VWA8: variants seen among roughly 807,000 people sequenced by gnomAD.
The protein encoded by VWA8 is von Willebrand factor A domain-containing protein 8.
In VWA8, 221 loss-of-function variants were observed where a neutral mutation model predicts 241.5. The ratio of observed to expected loss-of-function variants is 0.91; its 90% CI spans 0.82 to 1.02. VWA8 has a LOEUF of 1.02. Ranked by LOEUF, VWA8 falls within the 50% of genes least tolerant of loss-of-function variation. VWA8 has a pLI of 0.00. For synonymous variants in VWA8, 852 were observed against 827.1 expected (o/e 1.03, Z -0.52); for missense variants, 2,322 against 2,328.7 (o/e 1.00, Z 0.06).
chr13:41,666,494 G>A (rs890604719), intron 37 of VWA8, among the ~76,000 whole-genome samples: 4 of 152,112 alleles, frequency 2.6e-5, no homozygotes, highest in South Asian at 2.1e-4. Flanking sequence ...TAAGCAAGTG[G>A]CATGATAGAG....
At chr13:41,805,611 T>C (rs1286175054) in intron 17 of VWA8, among the ~76,000 whole-genome samples, 1 of 151,808 alleles carries the variant, frequency 6.6e-6, no homozygotes, top group Non-Finnish European at 1.5e-5. Context: ...GTTGGGAGTT[T>C]GAAACTAGTC....
intron 43 of VWA8, among the ~76,000 whole-genome samples, chr13:41,573,767 G>A (rs1425082057): frequency 6.6e-6 from 1 of 151,514 alleles, no homozygotes; most frequent in Non-Finnish European, 1.5e-5. Context: ...GCGGGTGCCC[G>A]CCACCATGCC....
At chr13:41,642,000 T>G (rs553896617) in intron 37 of VWA8, among the ~76,000 whole-genome samples, 2 of 152,376 alleles carry the variant, frequency 1.3e-5, no homozygotes, top group East Asian at 3.9e-4. Context: ...ACAATAGTTC[T>G]GGTTAATGCC....
At chr13:41,583,074 A>G (rs2044393913) in intron 42 of VWA8, among the ~76,000 whole-genome samples, 1 of 152,194 alleles carries the variant, frequency 6.6e-6, no homozygotes, top group Non-Finnish European at 1.5e-5. Context: ...CCTCATAGAT[A>G]CCAAGGGACA....
At chr13:41,739,827 GTTTTTTTT>G (rs779464048) in intron 21 of VWA8, among the ~76,000 whole-genome samples, 2 of 88,988 alleles carry the variant, frequency 2.2e-5, no homozygotes, top group East Asian at 3.5e-4. Flanking sequence ...TTGTTTTTTT[GTTTTTTTT>G]TTTGTTTTTT....
At chr13:41,688,255 C>T (rs1161788663) in intron 34 of VWA8, among the ~76,000 whole-genome samples, 1 of 151,922 alleles carries the variant, frequency 6.6e-6, no homozygotes, top group East Asian at 1.9e-4. Context: ...ACCCAGCATT[C>T]ATTAACTATA....
At position 41,832,836 on chromosome 13, in the gene VWA8, G is replaced by C. The variant is rs1566474838; in HGVS notation, c.1586+535C>G. On this transcript the variant is annotated intron_variant, in intron 13 of 44. Coordinates refer to ENST00000379310, the MANE Select transcript of VWA8 (RefSeq NM_015058.2). The stretch of plus-strand genomic sequence containing the variant: ...ACTAAACCAAAATAAGAAAACAATA[G>C]TTATAGAAATGTTCAAGTTTATAAT... Among the ~76,000 whole-genome samples the C allele has an allele frequency of 2.6e-5, 4 of 151,964 alleles. No individual in the cohort carries two copies. In the East Asian group the frequency reaches 5.8e-4, roughly 22 times the overall value.
At chr13:41,688,758 T>G (rs1195707708) in intron 34 of VWA8, among the ~76,000 whole-genome samples, 1 of 151,974 alleles carries the variant, frequency 6.6e-6, no homozygotes, top group Non-Finnish European at 1.5e-5. Context: ...TTCTCACAAG[T>G]GGGAGCGAAA....
At chr13:41,840,465 A>T (rs971777064) in intron 12 of VWA8, among the ~76,000 whole-genome samples, 9 of 144,960 alleles carry the variant, frequency 6.2e-5, no homozygotes, top group Non-Finnish European at 1.1e-4. Context: ...TTAAAGTATT[A>T]AAAAAAAAAA....
At chr13:41,575,418 A>T (rs1283768913) in intron 43 of VWA8, among the ~76,000 whole-genome samples, 1 of 152,174 alleles carries the variant, frequency 6.6e-6, no homozygotes, top group Non-Finnish European at 1.5e-5. Context: ...AAATAAAAAA[A>T]TTTTAAAAGG....
intron 17 of VWA8, among the ~76,000 whole-genome samples, chr13:41,804,249 C>T (rs1870085754): frequency 6.6e-6 from 1 of 152,044 alleles, no homozygotes; most frequent in Non-Finnish European, 1.5e-5. Flanking sequence ...ATCTGAGGTA[C>T]CTAAAAGCAG....
At chr13:41,628,577 C>T (rs2044707597) in intron 37 of VWA8, among the ~76,000 whole-genome samples, 1 of 152,172 alleles carries the variant, frequency 6.6e-6, no homozygotes, top group Non-Finnish European at 1.5e-5. Context: ...GGTACCTGTA[C>T]ACCCTGGAAT....
intron 26 of VWA8, among the ~76,000 whole-genome samples, chr13:41,718,835 T>C (rs1462595430): frequency 2.0e-5 from 3 of 151,862 alleles, no homozygotes; most frequent in Admixed American, 1.3e-4. Context: ...AATTGAACAG[T>C]AATTTAAAAG....
At chr13:41,797,265 C>T (rs934481262) in intron 17 of VWA8, among the ~76,000 whole-genome samples, 1 of 150,274 alleles carries the variant, frequency 6.7e-6, no homozygotes, top group African/African-American at 2.4e-5. Flanking sequence ...TGGTCTTGAA[C>T]TTCTGACCTC....
At chr13:41,754,121 T>A (rs1306059274) in intron 21 of VWA8, among the ~76,000 whole-genome samples, 1 of 152,056 alleles carries the variant, frequency 6.6e-6, no homozygotes, top group African/African-American at 2.4e-5. Flanking sequence ...TTTTTTTTTA[T>A]TTTGAATTTT....
At chr13:41,935,640 C>G (rs1227347563) in intron 2 of VWA8, among the ~76,000 whole-genome samples, 1 of 151,724 alleles carries the variant, frequency 6.6e-6, no homozygotes, top group African/African-American at 2.4e-5. Context: ...TTTCAAGCAC[C>G]ACTCCTAACC....
chr13:41,612,994 T>C (rs2044599768), intron 38 of VWA8, among the ~76,000 whole-genome samples: 1 of 152,160 alleles, frequency 6.6e-6, no homozygotes, highest in Non-Finnish European at 1.5e-5. Flanking sequence ...ATGGACTGCT[T>C]TTACTATTAT....
At chr13:41,867,398 C>G (rs770798315) in intron 10 of VWA8, among the ~76,000 whole-genome samples, 30 of 152,158 alleles carry the variant, frequency 2.0e-4, no homozygotes, top group African/African-American at 7.0e-4. Flanking sequence ...AACCATTCAT[C>G]TGAACAAAAC....
chr13:41,918,182 C>T (rs1179585302), intron 2 of VWA8, among the ~76,000 whole-genome samples: 3 of 152,090 alleles, frequency 2.0e-5, no homozygotes, highest in African/African-American at 7.2e-5. Flanking sequence ...TCTTTGAAGA[C>T]ATCAAAAGAA....
Sources: gnomAD v4.1 joint callset for allele counts (sites outside exome capture counted in the v4.1 genomes callset) on GRCh38, gnomAD v4.1.1 for gene constraint, MANE v1.5 for transcripts, NCBI Gene and HGNC (gene_info 2026-07-23, HGNC 2026-07-21) for gene names.